The following ACP4 variants were observed in gnomAD, a reference collection of about 807,000 sequenced individuals.
The protein encoded by ACP4 is acid phosphatase 4, also known as testicular acid phosphatase.
Under a neutral mutation model 47.3 loss-of-function variants are expected in ACP4, and 49 were observed. The observed-to-expected ratio is 1.04, with a 90% CI of 0.82 to 1.32. The LOEUF is 1.32. Ranked by LOEUF, ACP4 falls within the 40% of genes most tolerant of loss-of-function variation. The probability of loss-of-function intolerance (pLI) is 0.00; values close to 1 mark genes in which losing one functional copy is unlikely to be tolerated. For missense variants in ACP4, 594 were observed against 579.3 expected (o/e 1.03, Z -0.26); for synonymous variants, 299 against 265.3 (o/e 1.13, Z -1.23).
Position 50,794,763 on chromosome 19 carries a change from G to C in ACP4, c.987-23G>C, listed in dbSNP as rs73586828. 2,512 of 1,580,176 alleles carry C rather than the reference G, an allele frequency of 1.6e-3. 41 individuals are homozygous for C. In the African/African-American group the frequency reaches 0.029, roughly 18 times the overall value. On this transcript the variant is annotated intron_variant, in intron 9 of 10. Coordinates refer to ENST00000270593, the MANE Select transcript of ACP4 (RefSeq NM_033068.3). ...AGATCAATGACAGGAGGGAGGAGGTGCCACCATGTCCTCTCTCTCCAGGAA... is the reference window on the plus strand; with the variant it reads ...AGATCAATGACAGGAGGGAGGAGGTCCCACCATGTCCTCTCTCTCCAGGAA...
chr19:50,793,582 G>A lies in ACP4; in HGVS notation c.646-102G>A, dbSNP rs888243630. 36 of 1,491,728 alleles carry A rather than the reference G, an allele frequency of 2.4e-5. No individual in the cohort carries two copies. The Admixed American group carries it at 3.1e-4, about 13-fold the overall frequency. 92.4% of individuals were successfully genotyped at this position (1,491,728 alleles called of 1,614,324 possible). A position where few individuals can be genotyped will look rare whatever the true frequency, so the allele number is the denominator to read the frequency against. ...TGATTTCCCAGCCAGATCCAGATCC[G>A]GCCCATGGGGGGACTCAGAAGAGCA... On this transcript the variant is annotated intron_variant, in intron 6 of 10. Coordinates refer to ENST00000270593, the MANE Select transcript of ACP4 (RefSeq NM_033068.3).
chr19:50,790,707 C>G lies in ACP4; in HGVS notation c.216+9C>G, dbSNP rs528694745. The G allele has an allele frequency of 1.5e-5, 12 of 795,622 alleles. No homozygotes were observed. The highest frequency in any genetic ancestry group is 2.1e-5 in the Non-Finnish European group (11 of 525,992). The allele number at this position is 795,622 out of a possible 1,614,324, so 49.3% of individuals were successfully genotyped here. A position where few individuals can be genotyped will look rare whatever the true frequency, so the allele number is the denominator to read the frequency against. ...TGGGCCAGCTGACCACGGTGAGAAGCGGGTAGGCGGTGAGGGCAAGGGTGG... is the reference window on the plus strand; with the variant it reads ...TGGGCCAGCTGACCACGGTGAGAAGGGGGTAGGCGGTGAGGGCAAGGGTGG... On this transcript the variant is annotated intron_variant, in intron 2 of 10. Transcript: ENST00000270593.
intron 6 of ACP4, chr19:50,792,940 G>A (rs1288440455): frequency 1.3e-5 from 2 of 152,660 alleles, no homozygotes; most frequent in Non-Finnish European, 2.9e-5. Context: ...CCAAGAGCTG[G>A]GATTACAGGC....
In ACP4 at chr19:50,790,613, G is replaced by A. The variant is rs1363360498; in HGVS notation, c.131G>A (p.Arg44Gln). ...CCCCAGGTATTCCGCCATGGCGACC[G>A]GGCCCCGCTGGCCTCCTACCCCATG... ...FVALVFRHGD[R>Q]APLASYPMDP... The change falls in exon 2 of 11, where the codon CGG (arginine) becomes CAG (glutamine). Residue 44 changes from arginine to glutamine, a missense_variant. Transcript: ENST00000270593. The A allele has an allele frequency of 1.4e-5, 22 of 1,551,024 alleles. No individual in the cohort carries two copies. The highest frequency in any genetic ancestry group is 2.4e-5 in the East Asian group (1 of 41,204).
chr19:50,793,715 C>A lies in ACP4; in HGVS notation c.677C>A (p.Ala226Asp). Residue 226 changes from alanine to aspartate, a missense_variant, in exon 7 of 11, where the codon GCC (alanine) becomes GAC (aspartate). Ala to Asp is a moderately radical substitution (Grantham distance 126, BLOSUM62 -2). Transcript: ENST00000270593. ...QAHGLPLPAW[A>D]SPDVLRTLAQ... ...CACGGTCTTCCACTACCAGCCTGGG[C>A]CTCCCCAGATGTCCTGCGGACTCTT... 2 of 1,613,694 alleles carry A rather than the reference C, an allele frequency of 1.2e-6. No homozygotes were observed. The highest frequency in any genetic ancestry group is 1.7e-4 in the Middle Eastern group (1 of 6,012).
At position 50,794,767 on chromosome 19, in the gene ACP4, CCAT is replaced by C. The variant is rs777283117; in HGVS notation, c.987-18_987-16del. 1.3e-6 allele frequency: 2 copies of C among 1,585,044 alleles called. No individual in the cohort carries two copies. The highest frequency in any genetic ancestry group is 1.7e-6 in the Non-Finnish European group (2 of 1,162,758). ...CAATGACAGGAGGGAGGAGGTGCCA[CCAT>C]GTCCTCTCTCTCCAGGAATGTCACC... On this transcript the variant is annotated splice_polypyrimidine_tract_variant and intron_variant, in intron 9 of 10. Transcript: ENST00000270593.
chr19:50,790,656 G>C lies in ACP4; in HGVS notation c.174G>C (p.Val58=). 1 of 1,553,384 alleles carries C rather than the reference G, an allele frequency of 6.4e-7. No individual in the cohort carries two copies. Among genetic ancestry groups the C allele is most frequent in the Non-Finnish European group, 8.7e-7 (1 of 1,150,450 alleles). ...ASYPMDPHKE[V]ASTLWPRGLG... is the part of the protein sequence containing the mutation. ...ACCCCATGGACCCACACAAGGAGGT[G>C]GCCTCCACCCTGTGGCCACGAGGCC... Residue 58 remains valine, a synonymous_variant, in exon 2 of 11, where the codon GTG becomes GTC. Coordinates refer to ENST00000270593, the MANE Select transcript of ACP4 (RefSeq NM_033068.3).
In ACP4 at chr19:50,791,663, T is replaced by A. The variant is rs755396038; in HGVS notation, c.311T>A (p.Ile104Asn). The change falls in exon 4 of 11, where the codon ATC becomes AAC. Residue 104 changes from isoleucine to asparagine, a missense_variant. Physicochemically the swap from Ile to Asn is moderately radical, Grantham distance 149 (BLOSUM62 -3). Transcript: ENST00000270593. ...SPEYRREEVYIRSTDFDRTLE... is the reference protein window; with the variant it reads ...SPEYRREEVYNRSTDFDRTLE... ...CTCTCCACCCCGCTCCAGGTGTACA[T>A]CCGCAGCACGGACTTTGACCGCACG... is the stretch of plus-strand genomic sequence containing the variant. The A allele has an allele frequency of 6.2e-7, 1 of 1,611,424 alleles. No individual in the cohort carries two copies. Among genetic ancestry groups the A allele is most frequent in the South Asian group, 1.1e-5 (1 of 91,044 alleles).
chr19:50,792,406 A>G (rs2089518269), intron 6 of ACP4, 69 bp downstream of exon 6: 1 of 1,502,176 alleles, frequency 6.7e-7, no homozygotes, highest in Non-Finnish European at 9.1e-7. Context: ...GCTACTCACT[A>G]GCTGTGTTCC....
rs747713242 is a variant in ACP4 at position 50,792,044 on chromosome 19, T to A, written c.451-29T>A. On this transcript the variant is annotated intron_variant, in intron 4 of 10. Transcript: ENST00000270593. ...TGAGACCCAAGGCAAGGCACACGGC[T>A]GTCCTCTCTGAGACTCAGTTTTCCC... The A allele has an allele frequency of 9.0e-6, 14 of 1,550,168 alleles. No homozygotes were observed. In the South Asian group the frequency reaches 1.5e-4, roughly 17 times the overall value.
chr19:50,791,565 A>C, intron 3 of ACP4, 91 bp from the exon 4 acceptor site: 1 of 1,524,408 alleles, frequency 6.6e-7, no homozygotes, highest in Non-Finnish European at 8.9e-7. Flanking sequence ...CCCCTACTCC[A>C]AAGTGAATCT....
At chr19:50,793,842 G>T (rs563986519) in intron 7 of ACP4, 26 bp downstream of exon 7, 3 of 1,614,090 alleles carry the variant, frequency 1.9e-6, no homozygotes, top group Non-Finnish European at 1.7e-6. Flanking sequence ...GGGAGGCTGG[G>T]GTGCCTTCCT....
At chr19:50,793,119 T>A (rs1279671142) in intron 6 of ACP4, 1 of 155,992 alleles carries the variant, frequency 6.4e-6, no homozygotes, top group Non-Finnish European at 1.4e-5. Context: ...CAGACCTTTC[T>A]AAAGTCCAGA....
Position 50,793,777 on chromosome 19 carries a change from G to C in ACP4, c.739G>C (p.Gly247Arg). 1 of 1,613,892 alleles carries C rather than the reference G, an allele frequency of 6.2e-7. No homozygotes were observed. Among genetic ancestry groups the C allele is most frequent in the Middle Eastern group, 1.7e-4 (1 of 6,060 alleles). ...GGCTTTGGATATTGGAGCCCACGTG[G>C]GCCCACCCCGGGCAGCAGAGAAGGC... is the stretch of plus-strand genomic sequence containing the variant. ...ISALDIGAHV[G>R]PPRAAEKAQL... The change falls in exon 7 of 11, where the codon GGC (glycine) becomes CGC (arginine). Residue 247 changes from glycine to arginine, a missense_variant. Physicochemically the swap from Gly to Arg is moderately radical, Grantham distance 125. Coordinates refer to ENST00000270593, the MANE Select transcript of ACP4 (RefSeq NM_033068.3).
chr19:50,793,804 C>T lies in ACP4; in HGVS notation c.766C>T (p.Gln256Ter). Residue 256 changes from glutamine (Q) to a stop codon, truncating the protein, a stop_gained, in exon 7 of 11, where the codon CAG becomes TAG. Transcript: ENST00000270593. LOFTEE classifies it high-confidence loss of function. ...VGPPRAAEKA[Q>*]LTGGILLNAI... is the part of the protein sequence containing the mutation. Reference sequence around the variant, plus strand: ...CCCACCCCGGGCAGCAGAGAAGGCCCAGCTGACAGGGGGTGAGGTGTGGGT... The same window carrying T: ...CCCACCCCGGGCAGCAGAGAAGGCCTAGCTGACAGGGGGTGAGGTGTGGGT... The T allele has an allele frequency of 6.2e-7, 1 of 1,613,976 alleles. No individual in the cohort carries two copies. Among genetic ancestry groups the T allele is most frequent in the South Asian group, 1.1e-5 (1 of 91,088 alleles).
At position 50,790,718 on chromosome 19, in the gene ACP4, T is replaced by C. The variant is rs1297007709; in HGVS notation, c.216+20T>C. The C allele has an allele frequency of 2.5e-6, 3 of 1,180,978 alleles. No homozygotes were observed. In the South Asian group the frequency reaches 4.0e-5, roughly 16 times the overall value. 73.2% of individuals were successfully genotyped at this position (1,180,978 alleles called of 1,614,324 possible). ...ACCACGGTGAGAAGCGGGTAGGCGG[T>C]GAGGGCAAGGGTGGGAGGGGTGGGG... On this transcript the variant is annotated intron_variant, in intron 2 of 10. Transcript: ENST00000270593.
Position 50,793,729 on chromosome 19 carries a change from C to T in ACP4, c.691C>T (p.Leu231=). The T allele has an allele frequency of 6.2e-7, 1 of 1,613,790 alleles. No homozygotes were observed. Among genetic ancestry groups the T allele is most frequent in the Non-Finnish European group, 8.5e-7 (1 of 1,180,034 alleles). Residue 231 remains leucine (L), a synonymous_variant, in exon 7 of 11, where the codon CTG becomes TTG. Coordinates refer to ENST00000270593, the MANE Select transcript of ACP4 (RefSeq NM_033068.3). ...PLPAWASPDV[L]RTLAQISALD... ...ACCAGCCTGGGCCTCCCCAGATGTC[C>T]TGCGGACTCTTGCCCAGATCTCGGC...
In ACP4 at chr19:50,795,198, A is replaced by C; in HGVS notation, c.*40A>C. ...CTTCCCTACCCCCAGCTGACACTGG[A>C]CCCCAACATGTATGCTCAGTAGCTG... On this transcript the variant is annotated 3_prime_UTR_variant, in exon 11 of 11. Coordinates refer to ENST00000270593, the MANE Select transcript of ACP4 (RefSeq NM_033068.3). The C allele has an allele frequency of 1.3e-6, 2 of 1,485,724 alleles. No homozygotes were observed. Among genetic ancestry groups the C allele is most frequent in the South Asian group, 2.5e-5 (2 of 79,884 alleles). 92.0% of individuals were successfully genotyped at this position (1,485,724 alleles called of 1,614,324 possible). A position where few individuals can be genotyped will look rare whatever the true frequency, so the allele number is the denominator to read the frequency against.
chr19:50,790,815 G>C lies in ACP4; in HGVS notation c.258G>C (p.Arg86Ser). ...AGCTGGAGCTGGGCCGCTTCCTGAG[G>C]AGCCGCTACGAGGCCTTCCTGAGTC... The part of the protein sequence containing the change: ...RQQLELGRFL[R>S]SRYEAFLSPE... The change falls in exon 3 of 11, where the codon AGG becomes AGC. Residue 86 changes from arginine to serine, a missense_variant. By Grantham distance (110) the Arg-to-Ser change is moderately radical. Coordinates refer to ENST00000270593, the MANE Select transcript of ACP4 (RefSeq NM_033068.3). The C allele has an allele frequency of 6.5e-7, 1 of 1,548,808 alleles. No individual in the cohort carries two copies. The highest frequency in any genetic ancestry group is 8.7e-7 in the Non-Finnish European group (1 of 1,146,796).
Sources: gnomAD v4.1 joint callset for allele counts on GRCh38, gnomAD v4.1.1 for gene constraint, MANE v1.5 for transcripts, NCBI Gene and HGNC (gene_info 2026-07-23, HGNC 2026-07-21) for gene names.